TUSC3: variants seen among roughly 807,000 people sequenced by gnomAD.
TUSC3 encodes tumor suppressor candidate 3, also known as dolichyl-diphosphooligosaccharide--protein glycosyltransferase subunit TUSC3.
Under a neutral mutation model 44.8 loss-of-function variants are expected in TUSC3, and 45 were observed. That is an observed-to-expected ratio of 1.00 (90% CI 0.79 to 1.29). The LOEUF (loss-of-function observed/expected upper bound fraction) is 1.29, where lower values mean the gene tolerates loss of function less well. Among genes scored for constraint, TUSC3 ranks in the 50% most tolerant of loss-of-function variants. The pLI is 0.00. For synonymous variants in TUSC3, 212 were observed against 152.9 expected (o/e 1.39, Z -2.85); for missense variants, 519 against 437.9 (o/e 1.19, Z -1.65).
At chr8:15,794,270 G>A in the TUSC3 span, among the ~76,000 whole-genome samples, 4 of 151,884 alleles carry the variant, frequency 2.6e-5, no homozygotes, top group African/African-American at 4.8e-5. Flanking sequence ...CTTTTTTTGA[G>A]GATAAGTCTT....
At chr8:15,614,479 C>G (rs1161415432) in intron 1 of TUSC3, among the ~76,000 whole-genome samples, 3 of 152,140 alleles carry the variant, frequency 2.0e-5, no homozygotes, top group Non-Finnish European at 4.4e-5. Flanking sequence ...CAGACAACTG[C>G]TTATCTACTT....
chr8:15,759,876 G>A (rs555963322), intron 10 of TUSC3, among the ~76,000 whole-genome samples: 2 of 151,976 alleles, frequency 1.3e-5, no homozygotes, highest in East Asian at 1.9e-4. Context: ...CCTTTTCCCC[G>A]ACACTGTCAT....
At chr8:15,426,820 C>A (rs954965979) in intron 1 of TUSC3, among the ~76,000 whole-genome samples, 1 of 152,118 alleles carries the variant, frequency 6.6e-6, no homozygotes, top group Admixed American at 6.6e-5. Flanking sequence ...TACTGTATGC[C>A]ATAGCTACTA....
chr8:15,752,749 C>T lies in TUSC3; in HGVS notation c.1028+4284C>T, dbSNP rs184105707. Among the ~76,000 whole-genome samples the T allele has an allele frequency of 1.4e-3, 206 of 151,976 alleles. 2 individuals carry two copies. Among genetic ancestry groups the T allele is most frequent in the African/African-American group, 4.8e-3 (201 of 41,466 alleles). On this transcript the variant is annotated intron_variant, in intron 9 of 10. Coordinates refer to ENST00000503731, the MANE Select transcript of TUSC3 (RefSeq NM_006765.4). ...ATATTCCTATAAGTAGAAAATTATC[C>T]CAGAATCAAAGTTGAAAATAACATG...
intron 1 of TUSC3, among the ~76,000 whole-genome samples, chr8:15,436,707 C>A (rs1464430753): frequency 5.9e-5 from 9 of 152,106 alleles, no homozygotes; most frequent in Admixed American, 5.2e-4. Context: ...AAAAAAAATA[C>A]ACATTTCATA....
At chr8:15,594,147 T>C (rs1010877184) in intron 1 of TUSC3, among the ~76,000 whole-genome samples, 1 of 152,250 alleles carries the variant, frequency 6.6e-6, no homozygotes, top group African/African-American at 2.4e-5. Context: ...GCTGCAATTT[T>C]AAATTTGTCT....
rs895115035 is a variant in TUSC3, at chr8:15,519,965, G to C, written n.189+36482G>C. Among the ~76,000 whole-genome samples, 3 of 152,252 alleles carry C rather than the reference G, an allele frequency of 2.0e-5. No individual in the cohort carries two copies. The South Asian group carries it at 6.2e-4, about 32-fold the overall frequency. ...AGATTGGAGGGACCTATGGATAAAA[G>C]AATTAGCAATCTCTTTGCTCACTGT... On this transcript the variant is annotated intron_variant and non_coding_transcript_variant, in intron 2 of 5. Coordinates refer to the TUSC3 transcript ENST00000503191.
At chr8:15,675,566 A>C (rs1585217764) in intron 6 of TUSC3, among the ~76,000 whole-genome samples, 1 of 152,182 alleles carries the variant, frequency 6.6e-6, no homozygotes, top group South Asian at 2.1e-4. Context: ...AGTACTGAGT[A>C]TAGTACCAAA....
chr8:15,496,909 TATTC>T (rs1563266339), intron 2 of TUSC3, among the ~76,000 whole-genome samples: 3 of 89,834 alleles, frequency 3.3e-5, no homozygotes, highest in Non-Finnish European at 9.2e-5. Flanking sequence ...AAGATGAATT[TATTC>T]ATTCATTGCA....
chr8:15,550,035 G>A (rs772876114), intron 1 of TUSC3, among the ~76,000 whole-genome samples: 2 of 151,584 alleles, frequency 1.3e-5, no homozygotes, highest in Non-Finnish European at 2.9e-5. Flanking sequence ...GAGCAAGCAC[G>A]GGGTACGTGA....
chr8:15,462,569 T>C (rs768168542), intron 1 of TUSC3, among the ~76,000 whole-genome samples: 6 of 152,104 alleles, frequency 3.9e-5, no homozygotes, highest in Non-Finnish European at 8.8e-5. Flanking sequence ...TTGGGAAGCT[T>C]TCCTGCCTTA....
chr8:15,849,197 C>T, the TUSC3 span, among the ~76,000 whole-genome samples: 7 of 152,134 alleles, frequency 4.6e-5, no homozygotes, highest in African/African-American at 1.7e-4. Flanking sequence ...TATTCCACTT[C>T]GTGACGTATT....
chr8:15,757,945 A>G, intron 10 of TUSC3, 90 bp downstream of exon 10: 1 of 1,507,010 alleles, frequency 6.6e-7, no homozygotes, highest in African/African-American at 1.4e-5. Context: ...AAGTTGTAGT[A>G]AATTACTGTT....
At chr8:15,739,278 TTAAG>T (rs1811082363) in intron 7 of TUSC3, among the ~76,000 whole-genome samples, 1 of 152,216 alleles carries the variant, frequency 6.6e-6, no homozygotes, top group Non-Finnish European at 1.5e-5. Context: ...TGTATGTATA[TTAAG>T]TTTTTTCAGT....
chr8:15,421,961 G>T (rs1425585902), intron 1 of TUSC3, among the ~76,000 whole-genome samples: 3 of 152,096 alleles, frequency 2.0e-5, no homozygotes, highest in Non-Finnish European at 4.4e-5. Context: ...TTCTCTAGGA[G>T]CCAGTGTCTT....
chr8:15,459,679 C>G (rs534525033), intron 1 of TUSC3, among the ~76,000 whole-genome samples: 6 of 152,110 alleles, frequency 3.9e-5, no homozygotes, highest in East Asian at 3.9e-4. Context: ...CTTTGGTGTC[C>G]TCATAGTTTA....
chr8:15,595,827 G>T (rs1184012871), intron 1 of TUSC3, among the ~76,000 whole-genome samples: 1 of 152,120 alleles, frequency 6.6e-6, no homozygotes, highest in African/African-American at 2.4e-5. Flanking sequence ...ATAGACTTAA[G>T]ATAATTTTTT....
At chr8:15,697,685 A>G (rs922674097) in intron 6 of TUSC3, among the ~76,000 whole-genome samples, 5 of 152,172 alleles carry the variant, frequency 3.3e-5, no homozygotes, top group African/African-American at 9.7e-5. Flanking sequence ...GGTTATGTAC[A>G]TTTTATTATC....
chr8:15,651,417 C>T (rs1055163061), intron 3 of TUSC3, among the ~76,000 whole-genome samples: 1 of 152,072 alleles, frequency 6.6e-6, no homozygotes, highest in South Asian at 2.1e-4. Flanking sequence ...AATTGTATTT[C>T]CCCAAATTCA....
Sources: gnomAD v4.1 joint callset for allele counts (sites outside exome capture counted in the v4.1 genomes callset) on GRCh38, gnomAD v4.1.1 for gene constraint, MANE v1.5 for transcripts, NCBI Gene and HGNC (gene_info 2026-07-23, HGNC 2026-07-21) for gene names.